The following CNTNAP2 variants were observed in gnomAD, a reference collection of about 807,000 sequenced individuals.
CNTNAP2 encodes the protein contactin associated protein 2, also known as contactin-associated protein-like 2.
A neutral mutation model predicts 155.2 loss-of-function variants in CNTNAP2; 98 were observed. The ratio of observed to expected loss-of-function variants is 0.63; its 90% confidence interval spans 0.54 to 0.75. The LOEUF (loss-of-function observed/expected upper bound fraction) is 0.75, where lower values mean the gene tolerates loss of function less well. Ranked by LOEUF, CNTNAP2 falls within the 30% of genes least tolerant of loss-of-function variation. CNTNAP2 has a pLI of 0.00. For synonymous variants in CNTNAP2, 651 were observed against 631.2 expected (o/e 1.03, Z -0.47); for missense variants, 1,727 against 1,688.1 (o/e 1.02, Z -0.40).
At chr7:148,109,047 T>G (rs1804285194) in intron 15 of CNTNAP2, among the ~76,000 whole-genome samples, 2 of 152,240 alleles carry the variant, frequency 1.3e-5, no homozygotes. Context: ...GTCGTCTTAC[T>G]GTTCACACAT....
chr7:146,713,133 A>G (rs566727835), intron 1 of CNTNAP2, among the ~76,000 whole-genome samples: 8 of 152,172 alleles, frequency 5.3e-5, no homozygotes, highest in Non-Finnish European at 1.2e-4. Flanking sequence ...TGCAAGAGAG[A>G]TAAAACATAT....
intron 8 of CNTNAP2, among the ~76,000 whole-genome samples, chr7:147,221,169 C>T (rs1290637487): frequency 6.6e-6 from 1 of 152,006 alleles, no homozygotes; most frequent in Non-Finnish European, 1.5e-5. Context: ...TCCTCCCATC[C>T]CTTGTATCAT....
At chr7:146,902,243 G>A (rs1462052494) in intron 3 of CNTNAP2, among the ~76,000 whole-genome samples, 1 of 152,044 alleles carries the variant, frequency 6.6e-6, no homozygotes, top group East Asian at 1.9e-4. Flanking sequence ...GAGTGTAGGG[G>A]AGATTGTGGC....
intron 4 of CNTNAP2, among the ~76,000 whole-genome samples, chr7:147,105,997 G>T (rs574329974): frequency 6.6e-6 from 1 of 151,918 alleles, no homozygotes; most frequent in Non-Finnish European, 1.5e-5. Context: ...AGTAAGACAG[G>T]AATGCATTAA....
chr7:147,297,898 C>T (rs1794868795), intron 8 of CNTNAP2, among the ~76,000 whole-genome samples: 1 of 152,168 alleles, frequency 6.6e-6, no homozygotes, highest in Non-Finnish European at 1.5e-5. Context: ...GCAGATATCT[C>T]TTCCGTGTAC....
chr7:148,119,004 C>T (rs1179808660), intron 16 of CNTNAP2, among the ~76,000 whole-genome samples: 1 of 152,098 alleles, frequency 6.6e-6, no homozygotes, highest in Non-Finnish European at 1.5e-5. Context: ...CAATGCTTGC[C>T]CTACCTGGAC....
chr7:146,183,689 A>G (rs1171297207), intron 1 of CNTNAP2, among the ~76,000 whole-genome samples: 1 of 152,056 alleles, frequency 6.6e-6, no homozygotes, highest in African/African-American at 2.4e-5. Context: ...ATCAGAGTGC[A>G]CAAAGTCCCA....
At chr7:147,050,973 C>T (rs187777100) in intron 4 of CNTNAP2, among the ~76,000 whole-genome samples, 5 of 152,004 alleles carry the variant, frequency 3.3e-5, no homozygotes, top group East Asian at 1.9e-4. Flanking sequence ...TGAACTTCTT[C>T]GCTTTTGTCT....
intron 21 of CNTNAP2, among the ~76,000 whole-genome samples, chr7:148,319,759 C>A (rs1797757618): frequency 6.6e-6 from 1 of 151,734 alleles, no homozygotes; most frequent in Non-Finnish European, 1.5e-5. Flanking sequence ...TCTCCCATCA[C>A]CCCTGAGATG....
chr7:147,742,439 T>C (rs1409600641), intron 13 of CNTNAP2, among the ~76,000 whole-genome samples: 1 of 152,210 alleles, frequency 6.6e-6, no homozygotes, highest in Non-Finnish European at 1.5e-5. Context: ...TAACTTTCTC[T>C]CCCTTGTTCC....
At chr7:148,029,500 C>G (rs1563173104) in intron 15 of CNTNAP2, among the ~76,000 whole-genome samples, 1 of 152,174 alleles carries the variant, frequency 6.6e-6, no homozygotes, top group Non-Finnish European at 1.5e-5. Flanking sequence ...ATGCTGTGAA[C>G]AGCTAGACAC....
intron 3 of CNTNAP2, among the ~76,000 whole-genome samples, chr7:146,916,532 T>G (rs1796397820): frequency 6.6e-6 from 1 of 152,136 alleles, no homozygotes. Context: ...GTTCAGAGTT[T>G]CTATTTCTTA....
intron 1 of CNTNAP2, among the ~76,000 whole-genome samples, chr7:146,477,624 AACACACACACACACACACAC>A (rs1162610079): frequency 1.4e-4 from 19 of 131,676 alleles, no homozygotes; most frequent in South Asian, 2.7e-4. Context: ...TTCTTCAGCA[AACACACACACACACACACAC>A]ACACACACAC....
intron 14 of CNTNAP2, among the ~76,000 whole-genome samples, chr7:147,952,552 G>A (rs567165579): frequency 7.9e-5 from 12 of 151,918 alleles, no homozygotes; most frequent in African/African-American, 2.2e-4. Flanking sequence ...TTAAATGTAC[G>A]CCTATCATAA....
At chr7:146,512,956 T>C (rs1376543638) in intron 1 of CNTNAP2, among the ~76,000 whole-genome samples, 2 of 151,966 alleles carry the variant, frequency 1.3e-5, no homozygotes, top group Non-Finnish European at 2.9e-5. Flanking sequence ...TTTGTTTAAA[T>C]ATGAGGCACT....
chr7:147,635,841 G>A (rs78932962), intron 12 of CNTNAP2, among the ~76,000 whole-genome samples: 2,353 of 152,208 alleles, frequency 0.015, 215 homozygotes, highest in Admixed American at 0.14. Flanking sequence ...ATTCCATCAT[G>A]AGTCAAAGAA....
intron 9 of CNTNAP2, among the ~76,000 whole-genome samples, chr7:147,353,917 T>C (rs1796013345): frequency 6.6e-6 from 1 of 152,138 alleles, no homozygotes. Flanking sequence ...TTTTTCATGT[T>C]TGTTGGTCGC....
intron 7 of CNTNAP2, among the ~76,000 whole-genome samples, chr7:147,130,880 G>C (rs779083891): frequency 6.6e-6 from 1 of 151,966 alleles, no homozygotes; most frequent in Non-Finnish European, 1.5e-5. Context: ...TTATGCATAG[G>C]CAGTTCTTTT....
chr7:146,197,274 AATT>A (rs1798791037), intron 1 of CNTNAP2, among the ~76,000 whole-genome samples: 1 of 152,174 alleles, frequency 6.6e-6, no homozygotes, highest in Non-Finnish European at 1.5e-5. Flanking sequence ...AAAACAAAGG[AATT>A]ATTTGTAGGA....
Sources: allele counts gnomAD v4.1 joint callset (sites outside exome capture counted in the v4.1 genomes callset), GRCh38; gene constraint gnomAD v4.1.1; transcripts MANE v1.5; gene names NCBI Gene and HGNC (gene_info 2026-07-23, HGNC 2026-07-21).